The following MPPED2 variants were observed in gnomAD, a reference collection of about 807,000 sequenced individuals.
The protein encoded by MPPED2 is metallophosphoesterase MPPED2.
MPPED2 carries 5 observed loss-of-function variants against 33.0 expected under a neutral mutation model. That is an observed-to-expected ratio of 0.15 (90% CI 0.08 to 0.32). MPPED2 has a LOEUF of 0.32. Ranked by LOEUF, MPPED2 falls within the 10% of genes least tolerant of loss-of-function variation. The pLI is 1.00. For synonymous variants in MPPED2, 136 were observed against 141.9 expected, an observed-to-expected ratio of 0.96 and a Z score of 0.29; for missense variants, 275 against 372.1, an observed-to-expected ratio of 0.74 and a Z score of 2.15.
At chr11:30,414,496 C>CACTCGTCACTTTGT (rs1313014950) in intron 5 of MPPED2, among the ~76,000 whole-genome samples, 155 bp from the exon 6 acceptor site, 2 of 152,068 alleles carry the variant, frequency 1.3e-5, no homozygotes, top group Non-Finnish European at 2.9e-5. Context: ...AGAAACTTTT[C>CACTCGTCACTTTGT]ACTCGTCACT....
intron 3 of MPPED2, among the ~76,000 whole-genome samples, chr11:30,519,383 C>T (rs1953724284): frequency 6.6e-6 from 1 of 151,648 alleles, no homozygotes; most frequent in Non-Finnish European, 1.5e-5. Context: ...CATATATATA[C>T]ACATATATAT....
intron 3 of MPPED2, among the ~76,000 whole-genome samples, chr11:30,504,238 C>T (rs1158934775): frequency 1.3e-5 from 2 of 152,108 alleles, no homozygotes; most frequent in Non-Finnish European, 2.9e-5. Context: ...AATGTTAAAA[C>T]TTTTGAAGCC....
chr11:30,504,297 G>A (rs564307695), intron 3 of MPPED2, among the ~76,000 whole-genome samples: 9 of 152,184 alleles, frequency 5.9e-5, no homozygotes, highest in Non-Finnish European at 1.0e-4. Flanking sequence ...CTTGAAAACT[G>A]GCCAAGCAGA....
At chr11:30,392,361 T>C (rs1353453320) in intron 6 of MPPED2, among the ~76,000 whole-genome samples, 1 of 152,202 alleles carries the variant, frequency 6.6e-6, no homozygotes, top group African/African-American at 2.4e-5. Context: ...GCTTACCCCA[T>C]TAATACTAAA....
At chr11:30,485,601 G>T (rs994645286) in intron 4 of MPPED2, among the ~76,000 whole-genome samples, 1 of 152,232 alleles carries the variant, frequency 6.6e-6, no homozygotes, top group African/African-American at 2.4e-5. Context: ...AGTTGTAGAT[G>T]TTTGAGCTAT....
At chr11:30,470,467 T>C (rs543139253) in intron 4 of MPPED2, among the ~76,000 whole-genome samples, 55 of 152,310 alleles carry the variant, frequency 3.6e-4, no homozygotes, top group African/African-American at 1.3e-3. Flanking sequence ...AGAGAAATTA[T>C]CTACTCATAG....
intron 4 of MPPED2, among the ~76,000 whole-genome samples, chr11:30,441,064 T>G (rs1453880839): frequency 1.6e-4 from 25 of 152,148 alleles, no homozygotes; most frequent in Non-Finnish European, 2.1e-4. Context: ...AACCAATCCA[T>G]TCTCTGGGTT....
intron 3 of MPPED2, 84 bp from the exon 4 acceptor site, chr11:30,495,605 A>T: frequency 1.0e-6 from 1 of 974,276 alleles, no homozygotes; most frequent in Admixed American, 2.2e-5. Flanking sequence ...ATTAGCAGAC[A>T]GCTCACCCAA....
intron 3 of MPPED2, among the ~76,000 whole-genome samples, chr11:30,516,027 T>C (rs1019431211): frequency 7.2e-5 from 11 of 152,160 alleles, no homozygotes; most frequent in Admixed American, 4.6e-4. Context: ...AGCAAATGCA[T>C]GGTATGAGTA....
At chr11:30,424,394 G>A (rs570363025) in intron 4 of MPPED2, among the ~76,000 whole-genome samples, 1 of 152,222 alleles carries the variant, frequency 6.6e-6, no homozygotes, top group South Asian at 2.1e-4. Context: ...CTTCACGCCT[G>A]GCACTCCCAG....
At chr11:30,392,605 T>C (rs1028391920) in intron 6 of MPPED2, among the ~76,000 whole-genome samples, 11 of 152,184 alleles carry the variant, frequency 7.2e-5, no homozygotes, top group African/African-American at 2.7e-4. Flanking sequence ...AAACAGGGCT[T>C]TAAATGTCTC....
intron 2 of MPPED2, among the ~76,000 whole-genome samples, chr11:30,573,362 ACT>A (rs1162031521): frequency 1.3e-5 from 2 of 152,010 alleles, no homozygotes; most frequent in African/African-American, 2.4e-5. Flanking sequence ...GAAATAAATG[ACT>A]CTATCACTGG....
Position 30,411,127 on chromosome 11 carries a change from A to T in MPPED2, c.*341T>A, listed in dbSNP as rs1348662065. Reference sequence around the variant, plus strand: ...GTTTTTAAAACACTGCCTGTTTCTTATTTTTTTTTCTTTCAGCTTAAAGCA... The same window carrying T: ...GTTTTTAAAACACTGCCTGTTTCTTTTTTTTTTTTCTTTCAGCTTAAAGCA... On this transcript the variant is annotated 3_prime_UTR_variant, in exon 7 of 7. Coordinates refer to ENST00000358117, the MANE Select transcript of MPPED2 (RefSeq NM_001584.3). 6 of 990,088 alleles carry T rather than the reference A, an allele frequency of 6.1e-6. No homozygotes were observed. In the South Asian group the frequency reaches 1.4e-4, roughly 23 times the overall value. The allele number at this position is 990,088 out of a possible 1,614,324, so 61.3% of individuals were successfully genotyped here. A position where few individuals can be genotyped will look rare whatever the true frequency, so the allele number is the denominator to read the frequency against.
At chr11:30,504,937 T>G in intron 3 of MPPED2, 7 of 523,576 alleles carry the variant, frequency 1.3e-5, no homozygotes, top group Non-Finnish European at 2.4e-5. Flanking sequence ...GGTGGTCCAC[T>G]GCAGGAATGA....
At chr11:30,560,864 A>C (rs2134715677) in intron 2 of MPPED2, among the ~76,000 whole-genome samples, 1 of 152,302 alleles carries the variant, frequency 6.6e-6, no homozygotes, top group East Asian at 1.9e-4. Flanking sequence ...CTGGTGTGGA[A>C]GAAAAAGAAA....
chr11:30,544,227 TAA>T (rs1160045446), intron 2 of MPPED2, among the ~76,000 whole-genome samples: 23 of 152,154 alleles, frequency 1.5e-4, no homozygotes, highest in East Asian at 7.7e-4. Context: ...CGCTGGGTCA[TAA>T]ATATCCCACT....
chr11:30,557,755 T>C (rs1192639408), intron 2 of MPPED2, among the ~76,000 whole-genome samples: 1 of 152,202 alleles, frequency 6.6e-6, no homozygotes, highest in African/African-American at 2.4e-5. Context: ...CAGTCCAACA[T>C]ATTTGAAGAT....
chr11:30,405,976 C>T (rs1947982986), downstream of MPPED2, among the ~76,000 whole-genome samples: 1 of 152,080 alleles, frequency 6.6e-6, no homozygotes, highest in Admixed American at 6.5e-5. Context: ...GGGGCTCTTA[C>T]CAACACCCAA....
At chr11:30,485,551 G>A (rs1951707362) in intron 4 of MPPED2, among the ~76,000 whole-genome samples, 1 of 99,204 alleles carries the variant, frequency 1.0e-5, no homozygotes, top group Non-Finnish European at 2.6e-5. Context: ...ACCCCGCGGA[G>A]CTCTATACCA....
Sources: allele counts gnomAD v4.1 joint callset (sites outside exome capture counted in the v4.1 genomes callset), GRCh38; gene constraint gnomAD v4.1.1; transcripts MANE v1.5; gene names NCBI Gene and HGNC (gene_info 2026-07-23, HGNC 2026-07-21).